The following ARMH3 variants were observed in gnomAD, a reference collection of about 807,000 sequenced individuals.
The protein encoded by ARMH3 is armadillo-like helical domain-containing protein 3.
Under a neutral mutation model 99.1 loss-of-function variants are expected in ARMH3, and 60 were observed. The observed-to-expected ratio is 0.61, with a 90% CI of 0.49 to 0.75. ARMH3 has a LOEUF of 0.75. Ranked by LOEUF, ARMH3 falls within the 30% of genes least tolerant of loss-of-function variation. The probability of loss-of-function intolerance (pLI) is 0.00; values close to 1 mark genes in which losing one functional copy is unlikely to be tolerated. For missense variants in ARMH3, 679 were observed against 843.1 expected, an observed-to-expected ratio of 0.81 and a Z score of 2.41; for synonymous variants, 285 against 292.8, an observed-to-expected ratio of 0.97 and a Z score of 0.27.
intron 8 of ARMH3, among the ~76,000 whole-genome samples, chr10:102,015,394 T>TC (rs2066725075): frequency 6.6e-6 from 1 of 151,488 alleles, no homozygotes; most frequent in Admixed American, 6.6e-5. Context: ...TTTTGGGATT[T>TC]TTTTTTTTTT....
chr10:102,002,925 C>T (rs905208666), intron 14 of ARMH3, among the ~76,000 whole-genome samples: 3 of 151,094 alleles, frequency 2.0e-5, no homozygotes, highest in Non-Finnish European at 2.9e-5. Flanking sequence ...GGCGCCACTG[C>T]ACTCCAGCCT....
At chr10:101,899,201 A>AT (rs369695867) in intron 23 of ARMH3, among the ~76,000 whole-genome samples, 4 of 152,072 alleles carry the variant, frequency 2.6e-5, no homozygotes, top group South Asian at 2.1e-4. Flanking sequence ...GCCCTAAGGA[A>AT]TTTTTTTTCC....
chr10:101,934,649 G>C (rs17771847), intron 23 of ARMH3, among the ~76,000 whole-genome samples: 1 of 152,106 alleles, frequency 6.6e-6, no homozygotes, highest in Admixed American at 6.5e-5. Context: ...TGAGCAATCA[G>C]AGAACAGGAT....
At chr10:101,860,074 A>G (rs1172612387) in intron 24 of ARMH3, among the ~76,000 whole-genome samples, 4 of 152,122 alleles carry the variant, frequency 2.6e-5, no homozygotes, top group East Asian at 1.9e-4. Flanking sequence ...GAATAGATGG[A>G]AAAAAAACGG....
At chr10:101,886,322 T>C (rs1224199329) in intron 24 of ARMH3, among the ~76,000 whole-genome samples, 2 of 151,454 alleles carry the variant, frequency 1.3e-5, no homozygotes, top group Non-Finnish European at 2.9e-5. Context: ...AAGACCAACC[T>C]GGCAAACATG....
intron 24 of ARMH3, among the ~76,000 whole-genome samples, chr10:101,855,918 A>G (rs895084226): frequency 6.6e-6 from 1 of 152,032 alleles, no homozygotes; most frequent in African/African-American, 2.4e-5. Flanking sequence ...CTGGGATTAT[A>G]TACCAGAATT....
chr10:101,933,036 A>C (rs768437790), intron 23 of ARMH3, among the ~76,000 whole-genome samples: 1 of 152,144 alleles, frequency 6.6e-6, no homozygotes, highest in Non-Finnish European at 1.5e-5. Context: ...AATACAAAAA[A>C]TTAGCCTAGC....
intron 23 of ARMH3, among the ~76,000 whole-genome samples, chr10:101,934,475 AT>A (rs1843865218): frequency 6.6e-6 from 1 of 152,226 alleles, no homozygotes; most frequent in South Asian, 2.1e-4. Context: ...TCATAACAAT[AT>A]CTGAAAAGTC....
intron 22 of ARMH3, among the ~76,000 whole-genome samples, chr10:101,944,279 G>T (rs377047199): frequency 0.13 from 2,563 of 19,020 alleles, 12 homozygotes; most frequent in African/African-American, 0.2. Flanking sequence ...TATATAGAGA[G>T]AGAGAGAGAG....
At chr10:101,944,813 CA>C (rs1045433172) in intron 22 of ARMH3, among the ~76,000 whole-genome samples, 16 of 142,626 alleles carry the variant, frequency 1.1e-4, no homozygotes, top group African/African-American at 1.8e-4. Flanking sequence ...GACTCCATCT[CA>C]AAAAAAAAAG....
intron 1 of ARMH3, among the ~76,000 whole-genome samples, chr10:102,043,154 G>C (rs1401888393): frequency 6.6e-6 from 1 of 152,176 alleles, no homozygotes; most frequent in Admixed American, 6.6e-5. Context: ...ACATTCTCAA[G>C]CACTTTTTTC....
intron 4 of ARMH3, 130 bp from the exon 5 acceptor site, chr10:102,029,875 A>C: frequency 1.1e-6 from 1 of 937,134 alleles, no homozygotes; most frequent in South Asian, 1.8e-5. Context: ...GCTCCAAAAC[A>C]CAGTCTGAGT....
At chr10:101,920,863 G>A (rs928497922) in intron 23 of ARMH3, among the ~76,000 whole-genome samples, 3 of 152,082 alleles carry the variant, frequency 2.0e-5, no homozygotes, top group African/African-American at 7.2e-5. Flanking sequence ...GAACCCTGAG[G>A]ATATTATGCT....
chr10:101,958,482 T>C (rs1367391935), intron 20 of ARMH3, among the ~76,000 whole-genome samples: 1 of 152,218 alleles, frequency 6.6e-6, no homozygotes, highest in Non-Finnish European at 1.5e-5. Flanking sequence ...TAAAAGAAGT[T>C]ATCAGTTACC....
At chr10:101,975,148 G>A in intron 20 of ARMH3, 64 bp downstream of exon 20, 1 of 1,319,698 alleles carries the variant, frequency 7.6e-7, no homozygotes, top group Non-Finnish European at 1.1e-6. Context: ...TCCACCTTGA[G>A]CCCAGGCCTA....
intron 24 of ARMH3, among the ~76,000 whole-genome samples, chr10:101,865,778 T>C (rs889037057): frequency 1.3e-5 from 2 of 151,482 alleles, no homozygotes; most frequent in African/African-American, 4.8e-5. Flanking sequence ...CGTGAGCCGC[T>C]GCACCTGGCC....
chr10:101,860,427 G>A (rs2066840089), intron 24 of ARMH3, among the ~76,000 whole-genome samples: 1 of 152,142 alleles, frequency 6.6e-6, no homozygotes, highest in African/African-American at 2.4e-5. Flanking sequence ...GTCAGATACT[G>A]GATATCAGGC....
chr10:101,922,275 CTCTGTCACCCAGGCTGG>C (rs1276982329), intron 23 of ARMH3, among the ~76,000 whole-genome samples: 1 of 152,130 alleles, frequency 6.6e-6, no homozygotes, highest in African/African-American at 2.4e-5. Flanking sequence ...AAGAGTCTTA[CTCTGTCACCCAGGCTGG>C]AGTGCAGTGG....
chr10:101,901,017 A>T (rs1249188796), intron 23 of ARMH3, among the ~76,000 whole-genome samples: 1 of 151,810 alleles, frequency 6.6e-6, no homozygotes, highest in African/African-American at 2.4e-5. Context: ...AGTGGATCAC[A>T]TGCTAGACTG....
Sources: gnomAD v4.1 joint callset for allele counts (sites outside exome capture counted in the v4.1 genomes callset) on GRCh38, gnomAD v4.1.1 for gene constraint, MANE v1.5 for transcripts, NCBI Gene and HGNC (gene_info 2026-07-23, HGNC 2026-07-21) for gene names.